KIF21A: variants seen among roughly 807,000 people sequenced by gnomAD.
KIF21A encodes the protein kinesin-like protein KIF21A.
Under a neutral mutation model 202.9 loss-of-function variants are expected in KIF21A, and 114 were observed. The observed-to-expected ratio is 0.56, with a 90% CI of 0.48 to 0.66. KIF21A has a LOEUF of 0.66. KIF21A is among the 30% of genes least tolerant of loss of function. KIF21A has a pLI of 0.00. For synonymous variants in KIF21A, 667 were observed against 670.8 expected (o/e 0.99, Z 0.09); for missense variants, 1,677 against 1,994.9 (o/e 0.84, Z 3.04).
chr12:39,369,832 C>T lies in KIF21A; in HGVS notation c.347G>A (p.Arg116Gln), dbSNP rs750992981. The T allele has an allele frequency of 2.5e-6, 4 of 1,612,512 alleles. No homozygotes were observed. Among genetic ancestry groups the T allele is most frequent in the Non-Finnish European group, 3.4e-6 (4 of 1,178,914 alleles). ...ACTCTTAAAAAGGTGTTTAACAGCT[C>T]GAGAAATAATACCCAGTTCTTCCTC... ...IVEEELGIIS[R>Q]AVKHLFKSIE... Residue 116 changes from arginine (R) to glutamine (Q), a missense_variant, in exon 3 of 38, where the codon CGA becomes CAA. Arg to Gln is a conservative substitution (Grantham distance 43). Around this residue, in one of 3 missense-constraint regions of KIF21A, gnomAD observed 966 missense variants for 1,180.9 expected, o/e 0.82. Coordinates refer to ENST00000361418, the MANE Select transcript of KIF21A (RefSeq NM_001173464.2).
chr12:39,323,346 A>C (rs1437783115), intron 26 of KIF21A, among the ~76,000 whole-genome samples: 4 of 152,136 alleles, frequency 2.6e-5, no homozygotes, highest in African/African-American at 9.7e-5. Flanking sequence ...AAAAAGAAGA[A>C]GAAGAAGAAA....
At chr12:39,361,466 A>T (rs933560830) in intron 7 of KIF21A, among the ~76,000 whole-genome samples, 32 of 152,234 alleles carry the variant, frequency 2.1e-4, no homozygotes, top group African/African-American at 7.7e-4. Context: ...AATAGTACAT[A>T]AAAGGAAGAA....
chr12:39,374,321 T>C (rs1170106868), intron 1 of KIF21A, among the ~76,000 whole-genome samples: 15 of 152,194 alleles, frequency 9.9e-5, no homozygotes, highest in Admixed American at 9.8e-4. Flanking sequence ...TGAAATATCT[T>C]CTTTCTCAGT....
chr12:39,321,747 A>G (rs1194383469), intron 27 of KIF21A: 1 of 152,236 alleles, frequency 6.6e-6, no homozygotes, highest in Non-Finnish European at 1.5e-5. Flanking sequence ...TATTATTTAC[A>G]GATCATATAG....
At chr12:39,417,955 C>G (rs189063239) in intron 1 of KIF21A, among the ~76,000 whole-genome samples, 151 of 152,162 alleles carry the variant, frequency 9.9e-4, no homozygotes, top group African/African-American at 3.3e-3. Context: ...TGCCTGAAAT[C>G]CCAGCACTTT....
intron 1 of KIF21A, among the ~76,000 whole-genome samples, chr12:39,434,511 G>T (rs1342288585): frequency 6.6e-6 from 1 of 152,176 alleles, no homozygotes; most frequent in African/African-American, 2.4e-5. Flanking sequence ...GCTTTCACAT[G>T]GTTGTCTCGT....
intron 7 of KIF21A, among the ~76,000 whole-genome samples, chr12:39,361,522 C>CT (rs541860250): frequency 0.1 from 13,806 of 131,644 alleles, 950 homozygotes; most frequent in South Asian, 0.26. Context: ...AACTTTCTTT[C>CT]TTTTTTTTTT....
rs779873454 is a variant in KIF21A at position 39,307,642 on chromosome 12, A to G, written c.4365T>C (p.Asn1455=). The change falls in exon 34 of 38, where the codon AAT becomes AAC. Residue 1455 remains asparagine, a synonymous_variant. Transcript: ENST00000361418. ...VAIPSGENQI[N]QIALNPTGTF... ...TGCCAGTTGGGTTTAGGGCAATTTGATTGATCTGGTTCTCTCCAGAAGGAA... is the reference window on the plus strand; with the variant it reads ...TGCCAGTTGGGTTTAGGGCAATTTGGTTGATCTGGTTCTCTCCAGAAGGAA... 6.2e-7 allele frequency: 1 copy of G among 1,614,092 alleles called. No homozygotes were observed. Among genetic ancestry groups the G allele is most frequent in the Non-Finnish European group, 8.5e-7 (1 of 1,179,956 alleles).
intron 1 of KIF21A, among the ~76,000 whole-genome samples, chr12:39,398,238 A>G (rs557353411): frequency 8.5e-5 from 13 of 152,354 alleles, no homozygotes; most frequent in African/African-American, 3.1e-4. Flanking sequence ...TCAAGTGGCC[A>G]TCTTTCGTAC....
In KIF21A at chr12:39,301,535, C is replaced by G; in HGVS notation, c.4876G>C (p.Asp1626His). The G allele has an allele frequency of 6.2e-7, 1 of 1,614,140 alleles. No homozygotes were observed. The highest frequency in any genetic ancestry group is 8.5e-7 in the Non-Finnish European group (1 of 1,179,990). Residue 1626 changes from aspartate to histidine, a missense_variant, in exon 37 of 38, where the codon GAT becomes CAT. Asp to His is a moderately conservative substitution (Grantham distance 81). Around this residue, in one of 3 missense-constraint regions of KIF21A, gnomAD observed 705 missense variants for 791.9 expected, o/e 0.89. Coordinates refer to ENST00000361418, the MANE Select transcript of KIF21A (RefSeq NM_001173464.2). The part of the protein sequence containing the change: ...FMPVGEMKGH[D>H]SPINAICVNS... ...ACACATATGGCATTGATAGGACTAT[C>G]ATGACCCTTCATCTCTCCCACTGGC...
intron 28 of KIF21A, among the ~76,000 whole-genome samples, chr12:39,318,816 T>C (rs1284158396): frequency 6.6e-6 from 1 of 151,996 alleles, no homozygotes; most frequent in East Asian, 1.9e-4. Context: ...CCGTCCCTAC[T>C]AAAAATACAA....
At position 39,332,204 on chromosome 12, in the gene KIF21A, A is replaced by C; in HGVS notation, c.3051+10T>G. ...CATTAAACCATTACGCTTTTTTAAA[A>C]ATTACAAACCTTTGCTTCTTCCATC... On this transcript the variant is annotated intron_variant, in intron 21 of 37. Coordinates refer to ENST00000361418, the MANE Select transcript of KIF21A (RefSeq NM_001173464.2). 6.2e-7 allele frequency: 1 copy of C among 1,612,392 alleles called. No individual in the cohort carries two copies. The highest frequency in any genetic ancestry group is 1.7e-5 in the Admixed American group (1 of 60,012).
At chr12:39,347,836 T>C (rs1169927400) in intron 11 of KIF21A, among the ~76,000 whole-genome samples, 6 of 152,062 alleles carry the variant, frequency 3.9e-5, no homozygotes, top group Non-Finnish European at 4.4e-5. Context: ...TGAAGTTTTT[T>C]ATGTTGCAAG....
At chr12:39,385,931 GC>G (rs1950913874) in intron 1 of KIF21A, among the ~76,000 whole-genome samples, 1 of 152,150 alleles carries the variant, frequency 6.6e-6, no homozygotes, top group Non-Finnish European at 1.5e-5. Context: ...AGATATTGAT[GC>G]CTAGGTTACT....
chr12:39,431,140 CA>C (rs1200307163), intron 1 of KIF21A, among the ~76,000 whole-genome samples: 2 of 152,118 alleles, frequency 1.3e-5, no homozygotes, highest in Non-Finnish European at 2.9e-5. Context: ...GAAAGCTGGA[CA>C]ACTAAACTGG....
chr12:39,328,221 A>G (rs1592170181), intron 24 of KIF21A, among the ~76,000 whole-genome samples: 1 of 152,178 alleles, frequency 6.6e-6, no homozygotes, highest in East Asian at 1.9e-4. Flanking sequence ...TATGCTGAAC[A>G]CTTGCTTTCC....
At chr12:39,367,255 T>A in intron 4 of KIF21A, 91 bp from the exon 5 acceptor site, 4 of 1,312,704 alleles carry the variant, frequency 3.0e-6, no homozygotes, top group Non-Finnish European at 3.3e-6. Flanking sequence ...AAACCCACCA[T>A]GTTAAGGGAT....
chr12:39,361,585 G>A (rs1237353128), intron 7 of KIF21A, among the ~76,000 whole-genome samples: 2 of 43,654 alleles, frequency 4.6e-5, no homozygotes, highest in Non-Finnish European at 7.3e-5. Context: ...GCAGTGGCAC[G>A]ATCTCCGCCT....
In KIF21A at chr12:39,342,040, T is replaced by A; in HGVS notation, c.1797A>T (p.Leu599Phe). The A allele has an allele frequency of 1.9e-6, 3 of 1,603,936 alleles. No individual in the cohort carries two copies. The highest frequency in any genetic ancestry group is 2.6e-6 in the Non-Finnish European group (3 of 1,171,184). Residue 599 changes from leucine to phenylalanine, a missense_variant, in exon 13 of 38, where the codon TTA becomes TTT. By Grantham distance (22) the Leu-to-Phe change is conservative (BLOSUM62 0). Transcript: ENST00000361418. The part of the protein sequence containing the change: ...KGVSERENNE[L>F]EVEESQEVSD... ...TTCATTCTTTCATACTTACCACTTC[T>A]AATTCATTGTTTTCTCTTTCCGAAA...
Sources: gnomAD v4.1 joint callset for allele counts (sites outside exome capture counted in the v4.1 genomes callset) on GRCh38, gnomAD v4.1.1 for gene constraint, gnomAD v4.1.1 regional missense constraint, MANE v1.5 for transcripts, NCBI Gene and HGNC (gene_info 2026-07-23, HGNC 2026-07-21) for gene names.